The following DNAI3 variants were observed in gnomAD, a reference collection of about 807,000 sequenced individuals.
DNAI3 encodes dynein axonemal intermediate chain 3.
In DNAI3, 83 loss-of-function variants were observed where a neutral mutation model predicts 115.5. The ratio of observed to expected loss-of-function variants is 0.72; its 90% CI spans 0.60 to 0.86. DNAI3 has a LOEUF of 0.86. Among genes scored for constraint, DNAI3 ranks in the 40% least tolerant of loss-of-function variants. The pLI is 0.00. For missense variants in DNAI3, 1,004 were observed against 1,075.8 expected, an observed-to-expected ratio of 0.93 and a Z score of 0.93; for synonymous variants, 320 against 347.0, an observed-to-expected ratio of 0.92 and a Z score of 0.86.
At chr1:85,118,679 G>T (rs960074717) in intron 17 of DNAI3, among the ~76,000 whole-genome samples, 1 of 152,164 alleles carries the variant, frequency 6.6e-6, no homozygotes, top group Admixed American at 6.5e-5. Flanking sequence ...AGCACTGGGT[G>T]CTGGGATCAG....
At chr1:85,073,709 C>A (rs890539396) in intron 3 of DNAI3, among the ~76,000 whole-genome samples, 1 of 152,090 alleles carries the variant, frequency 6.6e-6, no homozygotes, top group African/African-American at 2.4e-5. Context: ...GTCTTTTAAT[C>A]GTATGGAATG....
At chr1:85,122,608 G>T (rs920632715) in intron 18 of DNAI3, among the ~76,000 whole-genome samples, 1 of 152,206 alleles carries the variant, frequency 6.6e-6, no homozygotes, top group Non-Finnish European at 1.5e-5. Context: ...GCCCACAAAG[G>T]CTTGCAAGAA....
In DNAI3 at chr1:85,098,583, CTG is replaced by C; in HGVS notation, c.1407_1408del (p.Ala470SerfsTer9). 1 of 1,613,522 alleles carries C rather than the reference CTG, an allele frequency of 6.2e-7. No homozygotes were observed. The highest frequency in any genetic ancestry group is 1.1e-5 in the South Asian group (1 of 90,974). ...SNKEAMYIRH[C>X]AVSSIENGHK... ...ATAAAGAAGCAATGTATATCAGACA[CTG>C]TGCAGTCTCTTCAATAGAAAATGGA... On this transcript the variant is annotated frameshift_variant, in exon 13 of 23. Transcript: ENST00000294664. LOFTEE classifies it high-confidence loss of function.
chr1:85,075,594 C>T (rs749010189), intron 3 of DNAI3, among the ~76,000 whole-genome samples: 2 of 152,102 alleles, frequency 1.3e-5, no homozygotes, highest in African/African-American at 4.8e-5. Flanking sequence ...GGGCTGATGG[C>T]TGTCATGCTC....
At chr1:85,071,399 T>G (rs1654268559) in intron 1 of DNAI3, among the ~76,000 whole-genome samples, 1 of 152,238 alleles carries the variant, frequency 6.6e-6, no homozygotes, top group Non-Finnish European at 1.5e-5. Flanking sequence ...GGAGGCATTC[T>G]CTCTGATAGG....
chr1:85,126,867 T>A, intron 20 of DNAI3, 152 bp downstream of exon 20: 1 of 765,366 alleles, frequency 1.3e-6, no homozygotes. Flanking sequence ...TTCCTTTCCT[T>A]TTCATTCTTC....
intron 3 of DNAI3, among the ~76,000 whole-genome samples, chr1:85,074,541 A>G (rs1361793698): frequency 6.6e-6 from 1 of 152,146 alleles, no homozygotes; most frequent in Non-Finnish European, 1.5e-5. Context: ...TCTCTTTCTT[A>G]TCATTGAGAT....
chr1:85,102,071 TAAAG>T (rs1250031298), intron 13 of DNAI3, among the ~76,000 whole-genome samples: 1 of 151,668 alleles, frequency 6.6e-6, no homozygotes, highest in African/African-American at 2.4e-5. Context: ...ATGAGAGGGA[TAAAG>T]AGAGGTTAAT....
At chr1:85,111,358 C>G (rs777687230) in intron 16 of DNAI3, among the ~76,000 whole-genome samples, 4 of 152,192 alleles carry the variant, frequency 2.6e-5, no homozygotes, top group Admixed American at 2.6e-4. Flanking sequence ...TCCTTCTCCA[C>G]CTCTCCTCCT....
At chr1:85,064,872 A>C (rs1488605370) in intron 1 of DNAI3, among the ~76,000 whole-genome samples, 1 of 152,168 alleles carries the variant, frequency 6.6e-6, no homozygotes, top group Non-Finnish European at 1.5e-5. Flanking sequence ...ATCTCTACTA[A>C]AAAATAAAAA....
At chr1:85,106,457 T>G (rs1249931785) in intron 14 of DNAI3, among the ~76,000 whole-genome samples, 3 of 152,094 alleles carry the variant, frequency 2.0e-5, no homozygotes, top group African/African-American at 7.2e-5. Context: ...TGAACAAAGG[T>G]TCTCAGTAGA....
At chr1:85,101,059 A>T (rs1460572420) in intron 13 of DNAI3, among the ~76,000 whole-genome samples, 1 of 152,038 alleles carries the variant, frequency 6.6e-6, no homozygotes, top group African/African-American at 2.4e-5. Context: ...CCAACATGGC[A>T]CATGTATACA....
intron 22 of DNAI3, among the ~76,000 whole-genome samples, chr1:85,131,081 G>A (rs1656306317): frequency 6.6e-6 from 1 of 152,106 alleles, no homozygotes; most frequent in Non-Finnish European, 1.5e-5. Flanking sequence ...GATCTCATCT[G>A]TAGGTTCCGT....
chr1:85,118,362 C>CTAAGTTATTTT (rs1441976800), intron 17 of DNAI3, among the ~76,000 whole-genome samples: 1 of 152,114 alleles, frequency 6.6e-6, no homozygotes, highest in Non-Finnish European at 1.5e-5. Flanking sequence ...AGTGTCTGTG[C>CTAAGTTATTTT]CAAGTTATTT....
At chr1:85,101,727 CAAAAAAAAAAA>C (rs72166976) in intron 13 of DNAI3, among the ~76,000 whole-genome samples, 1 of 14,440 alleles carries the variant, frequency 6.9e-5, no homozygotes, top group Non-Finnish European at 1.1e-4. Context: ...GACTCCATCT[CAAAAAAAAAAA>C]AAAAAAAAAA....
At chr1:85,117,126 C>T (rs1052249989) in intron 16 of DNAI3, among the ~76,000 whole-genome samples, 7 of 151,896 alleles carry the variant, frequency 4.6e-5, no homozygotes, top group South Asian at 2.1e-4. Flanking sequence ...CCATCTTTCC[C>T]AGGAATTGAA....
intron 7 of DNAI3, among the ~76,000 whole-genome samples, chr1:85,087,867 T>A (rs1654845368): frequency 6.6e-6 from 1 of 152,140 alleles, no homozygotes; most frequent in African/African-American, 2.4e-5. Flanking sequence ...ACTTTTCAGA[T>A]CTATGTGAAC....
At chr1:85,090,041 T>G (rs1460763784) in intron 7 of DNAI3, 75 bp from the exon 8 acceptor site, 1 of 588,488 alleles carries the variant, frequency 1.7e-6, no homozygotes, top group Non-Finnish European at 2.8e-6. Context: ...AGAGACACAC[T>G]TTTGACCTGT....
intron 20 of DNAI3, among the ~76,000 whole-genome samples, chr1:85,126,952 G>A (rs1656164080): frequency 6.6e-6 from 1 of 151,604 alleles, no homozygotes. Context: ...CACAACCTGA[G>A]CTCTTCTCAC....
Sources: allele counts gnomAD v4.1 joint callset (sites outside exome capture counted in the v4.1 genomes callset), GRCh38; gene constraint gnomAD v4.1.1; transcripts MANE v1.5; gene names NCBI Gene and HGNC (gene_info 2026-07-23, HGNC 2026-07-21).